Variants in PCCA observed in about 807,000 individuals in gnomAD.
The protein encoded by PCCA is propionyl-CoA carboxylase alpha chain, mitochondrial.
In PCCA, 74 loss-of-function variants were observed where a neutral mutation model predicts 101.3. The observed-to-expected ratio is 0.73, with a 90% CI of 0.61 to 0.89. The LOEUF (loss-of-function observed/expected upper bound fraction) is 0.89. PCCA is among the 40% of genes least tolerant of loss of function. The pLI is 0.00. For synonymous variants in PCCA, 294 were observed against 313.6 expected (o/e 0.94, Z 0.66); for missense variants, 891 against 907.0 (o/e 0.98, Z 0.23).
intron 4 of PCCA, among the ~76,000 whole-genome samples, chr13:100,152,126 A>G (rs1280488054): frequency 6.6e-6 from 1 of 152,190 alleles, no homozygotes; most frequent in Non-Finnish European, 1.5e-5. Context: ...TAGAGAATTC[A>G]AATGTTTTCT....
intron 1 of PCCA, among the ~76,000 whole-genome samples, chr13:100,096,507 G>A (rs192938596): frequency 3.8e-4 from 58 of 152,162 alleles, no homozygotes; most frequent in Middle Eastern, 3.4e-3. Flanking sequence ...TCTTCTAAGC[G>A]TTCTAGTGAA....
chr13:100,324,500 G>A (rs1487784128), intron 16 of PCCA, among the ~76,000 whole-genome samples: 1 of 151,986 alleles, frequency 6.6e-6, no homozygotes, highest in African/African-American at 2.4e-5. Context: ...AAAGAAAAAG[G>A]TATGTCATGA....
chr13:100,105,952 A>G (rs942961461), intron 2 of PCCA, among the ~76,000 whole-genome samples: 4 of 150,138 alleles, frequency 2.7e-5, no homozygotes, highest in Admixed American at 6.7e-5. Flanking sequence ...GTTATTGGCT[A>G]TTGCTTTAGG....
At chr13:100,463,069 A>T (rs1389316724) in intron 21 of PCCA, among the ~76,000 whole-genome samples, 1 of 152,224 alleles carries the variant, frequency 6.6e-6, no homozygotes, top group African/African-American at 2.4e-5. Context: ...CTCTGTACTG[A>T]TGATGGAGAA....
chr13:100,307,244 A>T lies in PCCA; in HGVS notation c.1337A>T (p.Asp446Val). Residue 446 changes from aspartate (D) to valine (V), a missense_variant, in exon 15 of 24, where the codon GAT becomes GTT. By Grantham distance (152) the Asp-to-Val change is radical. Coordinates refer to ENST00000376285, the MANE Select transcript of PCCA (RefSeq NM_000282.4). ...QPGSDISIYY[D>V]PMISKLITYG... Reference sequence around the variant, plus strand: ...GGAAGTGATATTAGCATTTATTATGATCCTATGATTTCAAAAGTTAGTTTA... The same window carrying T: ...GGAAGTGATATTAGCATTTATTATGTTCCTATGATTTCAAAAGTTAGTTTA... 1 of 1,603,152 alleles carries T rather than the reference A, an allele frequency of 6.2e-7. No homozygotes were observed. Among genetic ancestry groups the T allele is most frequent in the Non-Finnish European group, 8.5e-7 (1 of 1,170,376 alleles).
At chr13:100,307,104 C>T in intron 14 of PCCA, 88 bp from the exon 15 acceptor site, 1 of 825,484 alleles carries the variant, frequency 1.2e-6, no homozygotes, top group Non-Finnish European at 2.0e-6. Flanking sequence ...ATTCTCTATC[C>T]ATTTTCTCCA....
chr13:100,501,232 A>G (rs1430475027), intron 21 of PCCA, among the ~76,000 whole-genome samples: 1 of 152,222 alleles, frequency 6.6e-6, no homozygotes, highest in Non-Finnish European at 1.5e-5. Flanking sequence ...TTATCTATGT[A>G]AACTTACGAG....
intron 21 of PCCA, among the ~76,000 whole-genome samples, chr13:100,501,538 C>T (rs936079451): frequency 6.6e-6 from 1 of 152,158 alleles, no homozygotes; most frequent in African/African-American, 2.4e-5. Flanking sequence ...CAGTGTGGTC[C>T]TCAGACCAGC....
intron 5 of PCCA, among the ~76,000 whole-genome samples, chr13:100,156,286 T>A (rs919947254): frequency 6.6e-6 from 1 of 152,158 alleles, no homozygotes; most frequent in Non-Finnish European, 1.5e-5. Flanking sequence ...CAGGCTGGTC[T>A]TGAACTCCTG....
rs113488961 is a variant in PCCA, at chr13:100,123,002, T to A, written c.300+10941T>A. Among the ~76,000 whole-genome samples the A allele has an allele frequency of 2.9e-3, 435 of 152,324 alleles. 3 individuals are homozygous for A. The highest frequency in any genetic ancestry group is 0.01 in the African/African-American group (422 of 41,576). On this transcript the variant is annotated intron_variant, in intron 4 of 23. Coordinates refer to ENST00000376285, the MANE Select transcript of PCCA (RefSeq NM_000282.4). ...TAGTCAAGAGCTATAAATTGGTGGA[T>A]AGGAAAGGCAAAAATAAGAAGATTG...
intron 7 of PCCA, among the ~76,000 whole-genome samples, chr13:100,211,505 C>T (rs1441175860): frequency 6.6e-6 from 1 of 152,172 alleles, no homozygotes; most frequent in Non-Finnish European, 1.5e-5. Context: ...GTCCATACTT[C>T]TCTCATGAGA....
chr13:100,368,693 T>C, intron 19 of PCCA, 119 bp downstream of exon 19: 1 of 700,368 alleles, frequency 1.4e-6, no homozygotes, highest in Admixed American at 2.5e-5. Context: ...TATGTATTTT[T>C]CATCTTCTTT....
At chr13:100,108,100 G>A (rs974554748) in intron 2 of PCCA, among the ~76,000 whole-genome samples, 1 of 152,166 alleles carries the variant, frequency 6.6e-6, no homozygotes, top group Non-Finnish European at 1.5e-5. Flanking sequence ...GTCTCTGAAT[G>A]GAGTGTGGTG....
At chr13:100,415,180 G>A (rs1292486791) in intron 19 of PCCA, among the ~76,000 whole-genome samples, 1 of 150,858 alleles carries the variant, frequency 6.6e-6, no homozygotes, top group Non-Finnish European at 1.5e-5. Flanking sequence ...CAGGTGAGAG[G>A]ATTGCTTGAG....
At chr13:100,173,077 A>C (rs184455343) in intron 6 of PCCA, among the ~76,000 whole-genome samples, 8 of 152,268 alleles carry the variant, frequency 5.3e-5, no homozygotes, top group African/African-American at 1.7e-4. Context: ...AGCTTGCAGA[A>C]TATTTCAGGG....
At chr13:100,275,386 C>G (rs1053721377) in intron 12 of PCCA, among the ~76,000 whole-genome samples, 1 of 152,142 alleles carries the variant, frequency 6.6e-6, no homozygotes, top group Non-Finnish European at 1.5e-5. Flanking sequence ...CCTGCTGCTC[C>G]CCAGCCGTGG....
At chr13:100,089,548 C>T (rs1307939402) in intron 1 of PCCA, among the ~76,000 whole-genome samples, 1 of 152,164 alleles carries the variant, frequency 6.6e-6, no homozygotes, top group African/African-American at 2.4e-5. Flanking sequence ...TCCAGGGCCC[C>T]GCGGCATTGG....
intron 21 of PCCA, among the ~76,000 whole-genome samples, chr13:100,458,357 T>C: frequency 1.8e-5 from 1 of 56,990 alleles, no homozygotes; most frequent in Admixed American, 2.4e-4. Context: ...TGGGACCCCA[T>C]CTCTACACAC....
At chr13:100,461,676 G>A (rs968509131) in intron 21 of PCCA, among the ~76,000 whole-genome samples, 1 of 152,082 alleles carries the variant, frequency 6.6e-6, no homozygotes, top group Non-Finnish European at 1.5e-5. Context: ...GGCTTACTGG[G>A]GTTTCTTGCA....
Sources: gnomAD v4.1 joint callset for allele counts (sites outside exome capture counted in the v4.1 genomes callset) on GRCh38, gnomAD v4.1.1 for gene constraint, MANE v1.5 for transcripts, NCBI Gene and HGNC (gene_info 2026-07-23, HGNC 2026-07-21) for gene names.